Variants in CSF1 observed in about 807,000 individuals in gnomAD.
CSF1 encodes colony stimulating factor 1.
Under a neutral mutation model 48.9 loss-of-function variants are expected in CSF1, and 9 were observed. That is an observed-to-expected ratio of 0.18 (90% CI 0.11 to 0.32). The LOEUF (loss-of-function observed/expected upper bound fraction) is 0.32. CSF1 is among the 10% of genes least tolerant of loss of function. The pLI, the probability that CSF1 is intolerant of heterozygous loss-of-function variation, is 1.00. For missense variants in CSF1, 672 were observed against 697.9 expected (o/e 0.96, Z 0.42); for synonymous variants, 305 against 284.1 (o/e 1.07, Z -0.74).
rs1000616230 is a variant in CSF1 at position 109,922,052 on chromosome 1, G to C, written c.544+58G>C. ...GGTGGTAGCATATGGAATGGGGATT[G>C]GGAGGTGAGATGTGAAGCTGGGGGG... On this transcript the variant is annotated intron_variant, in intron 5 of 8. Coordinates refer to ENST00000329608, the MANE Select transcript of CSF1 (RefSeq NM_000757.6). The C allele has an allele frequency of 8.5e-6, 13 of 1,522,690 alleles. No individual in the cohort carries two copies. The South Asian group carries it at 1.7e-4, about 20-fold the overall frequency. 94.3% of individuals were successfully genotyped at this position (1,522,690 alleles called of 1,614,324 possible).
intron 1 of CSF1, among the ~76,000 whole-genome samples, chr1:109,911,447 G>A (rs1654680272): frequency 6.6e-6 from 1 of 152,226 alleles, no homozygotes; most frequent in South Asian, 2.1e-4. Flanking sequence ...TCCCCGGTGG[G>A]CACCTTCCTC....
chr1:109,917,561 C>T, intron 4 of CSF1, 98 bp downstream of exon 4: 1 of 1,202,274 alleles, frequency 8.3e-7, no homozygotes, highest in South Asian at 1.4e-5. Flanking sequence ...GCTCACCTCG[C>T]CTCACGCCAT....
intron 4 of CSF1, among the ~76,000 whole-genome samples, chr1:109,920,666 G>A (rs903581491): frequency 5.3e-5 from 8 of 152,076 alleles, no homozygotes; most frequent in African/African-American, 1.7e-4. Flanking sequence ...AGGGAGATGC[G>A]GCGATGCCTT....
At chr1:109,917,260 C>T in intron 3 of CSF1, 33 bp from the exon 4 acceptor site, 2 of 1,604,082 alleles carry the variant, frequency 1.2e-6, no homozygotes, top group Non-Finnish European at 1.7e-6. Context: ...GCCACAATGG[C>T]CAGGCCATAA....
At chr1:109,919,299 C>T (rs59539959) in intron 4 of CSF1, among the ~76,000 whole-genome samples, 9,121 of 152,172 alleles carry the variant, frequency 0.06, 578 homozygotes, top group East Asian at 0.15. Context: ...AGTTCAGCGG[C>T]GCAATCACGA....
intron 4 of CSF1, 22 bp from the exon 5 acceptor site, chr1:109,921,825 G>T (rs752598125): frequency 1.3e-6 from 2 of 1,540,026 alleles, no homozygotes; most frequent in East Asian, 2.4e-5. Context: ...GCTCACAAAA[G>T]GGGGCCCTGA....
At position 109,916,754 on chromosome 1, in the gene CSF1, T is replaced by G. The variant is rs184123745; in HGVS notation, c.226-539T>G. Reference sequence around the variant, plus strand: ...ACTCGCTTGCTCTAGCACTCATGCCTGAACTAGCATTTGCTAGGAACCTAC... The same window carrying G: ...ACTCGCTTGCTCTAGCACTCATGCCGGAACTAGCATTTGCTAGGAACCTAC... On this transcript the variant is annotated intron_variant, in intron 3 of 8. Transcript: ENST00000329608. Among the ~76,000 whole-genome samples, 309 of 152,322 alleles carry G rather than the reference T, an allele frequency of 2.0e-3. 2 individuals are homozygous for G. The highest frequency in any genetic ancestry group is 7.2e-3 in the African/African-American group (299 of 41,576).
rs112615003 is a variant in CSF1 at position 109,923,527 on chromosome 1, T to C, written c.906T>C (p.Asn302=). Residue 302 remains asparagine (N), a synonymous_variant, in exon 6 of 9, where the codon AAT becomes AAC. Coordinates refer to ENST00000329608, the MANE Select transcript of CSF1 (RefSeq NM_000757.6). ...EDILDSAMGT[N]WVPEEASGEA... ...TTCTTGACTCTGCAATGGGCACTAA[T>C]TGGGTCCCAGAAGAAGCCTCTGGAG... 10 of 1,614,014 alleles carry C rather than the reference T, an allele frequency of 6.2e-6. No homozygotes were observed. The highest frequency in any genetic ancestry group is 3.3e-5 in the Admixed American group (2 of 60,004).
rs199934990 is a variant in CSF1, at chr1:109,923,343, T to A, written c.722T>A (p.Leu241Gln). 5 of 1,612,558 alleles carry A rather than the reference T, an allele frequency of 3.1e-6. No homozygotes were observed. The African/African-American group carries it at 4.0e-5, about 13-fold the overall frequency. Residue 241 changes from leucine (L) to glutamine (Q), a missense_variant, in exon 6 of 9, where the codon CTG becomes CAG. Coordinates refer to ENST00000329608, the MANE Select transcript of CSF1 (RefSeq NM_000757.6). ...GSSLLPGEQP[L>Q]HTVDPGSAKQ... is the part of the protein sequence containing the mutation. ...TCCCTCTTGCCTGGTGAGCAGCCCC[T>A]GCACACAGTGGATCCAGGCAGTGCC...
At chr1:109,911,670 C>T (rs1228458051) in intron 1 of CSF1, among the ~76,000 whole-genome samples, 1 of 152,210 alleles carries the variant, frequency 6.6e-6, no homozygotes, top group Non-Finnish European at 1.5e-5. Flanking sequence ...CAACAGCCGG[C>T]AAACAGCCCC....
chr1:109,912,517 C>G (rs1351366135), intron 1 of CSF1, among the ~76,000 whole-genome samples: 12 of 152,292 alleles, frequency 7.9e-5, no homozygotes, highest in Non-Finnish European at 5.9e-5. Context: ...AGAATGGAGG[C>G]CCCAGGTCCA....
At chr1:109,925,244 T>G in intron 8 of CSF1, 42 bp downstream of exon 8, 1 of 1,553,380 alleles carries the variant, frequency 6.4e-7, no homozygotes, top group South Asian at 1.1e-5. Flanking sequence ...AACTTACCTA[T>G]ACCCTTTTCC....
At chr1:109,926,029 C>G (rs1451315913) in intron 8 of CSF1, 2 of 152,310 alleles carry the variant, frequency 1.3e-5, no homozygotes, top group East Asian at 3.9e-4. Flanking sequence ...ATGGCCAAGT[C>G]CCTCAAACGT....
chr1:109,916,368 C>A (rs1279610044), intron 3 of CSF1, among the ~76,000 whole-genome samples: 1 of 152,148 alleles, frequency 6.6e-6, no homozygotes, highest in Non-Finnish European at 1.5e-5. Flanking sequence ...GCTGCCTTTA[C>A]CTCCTTCTCC....
At chr1:109,915,830 C>T (rs568749292) in intron 3 of CSF1, 134 bp downstream of exon 3, 1 of 762,850 alleles carries the variant, frequency 1.3e-6, no homozygotes, top group East Asian at 2.6e-5. Flanking sequence ...CATGGGTGCT[C>T]AACTCTGGGG....
intron 4 of CSF1, among the ~76,000 whole-genome samples, chr1:109,919,866 G>C (rs72974777): frequency 6.6e-6 from 1 of 151,644 alleles, no homozygotes; most frequent in Non-Finnish European, 1.5e-5. Flanking sequence ...GGCTGAGGCA[G>C]TAGAATCGCT....
In CSF1 at chr1:109,923,531, G is replaced by A. The variant is rs1647673816; in HGVS notation, c.910G>A (p.Val304Ile). Residue 304 changes from valine (V) to isoleucine (I), a missense_variant, in exon 6 of 9, where the codon GTC becomes ATC. Physicochemically the swap from Val to Ile is conservative, Grantham distance 29 (BLOSUM62 3). Around this residue, in one of 3 missense-constraint regions of CSF1, gnomAD observed 591 missense variants for 593.6 expected, o/e 1.00. Coordinates refer to ENST00000329608, the MANE Select transcript of CSF1 (RefSeq NM_000757.6). ...ILDSAMGTNW[V>I]PEEASGEASE... is the part of the protein sequence containing the mutation. Reference sequence around the variant, plus strand: ...TGACTCTGCAATGGGCACTAATTGGGTCCCAGAAGAAGCCTCTGGAGAGGC... The same window carrying A: ...TGACTCTGCAATGGGCACTAATTGGATCCCAGAAGAAGCCTCTGGAGAGGC... 1 of 1,613,986 alleles carries A rather than the reference G, an allele frequency of 6.2e-7. No individual in the cohort carries two copies. Among genetic ancestry groups the A allele is most frequent in the African/African-American group, 1.3e-5 (1 of 74,900 alleles).
At position 109,923,320 on chromosome 1, in the gene CSF1, C is replaced by T. The variant is rs770844361; in HGVS notation, c.699C>T (p.Ser233=). 1.9e-6 allele frequency: 3 copies of T among 1,612,822 alleles called. No homozygotes were observed. The highest frequency in any genetic ancestry group is 2.5e-6 in the Non-Finnish European group (3 of 1,179,324). Residue 233 remains serine, a synonymous_variant, in exon 6 of 9, where the codon TCC becomes TCT. Transcript: ENST00000329608. The stretch of plus-strand genomic sequence containing the variant: ...ACTCTGAGGGAACTGAGGGCAGCTC[C>T]CTCTTGCCTGGTGAGCAGCCCCTGC... The part of the protein sequence containing the change: ...WEDSEGTEGS[S]LLPGEQPLHT...
intron 4 of CSF1, among the ~76,000 whole-genome samples, chr1:109,921,371 C>A (rs1189028763): frequency 2.6e-5 from 4 of 152,328 alleles, no homozygotes; most frequent in African/African-American, 7.2e-5. Context: ...GTTCTTGCAG[C>A]CTGGACAGCT....
Sources: gnomAD v4.1 joint callset for allele counts (sites outside exome capture counted in the v4.1 genomes callset) on GRCh38, gnomAD v4.1.1 for gene constraint, gnomAD v4.1.1 regional missense constraint, MANE v1.5 for transcripts, NCBI Gene and HGNC (gene_info 2026-07-23, HGNC 2026-07-21) for gene names.